Variants in URI1 observed in about 807,000 individuals in gnomAD.
URI1 encodes the protein unconventional prefoldin RPB5 interactor 1.
Under a neutral mutation model 60.2 loss-of-function variants are expected in URI1, and 39 were observed. That is an observed-to-expected ratio of 0.65 (90% CI 0.50 to 0.85). The LOEUF (loss-of-function observed/expected upper bound fraction) is 0.85, where lower values mean the gene tolerates loss of function less well. Ranked by LOEUF, URI1 falls within the 40% of genes least tolerant of loss-of-function variation. The pLI, the probability that URI1 is intolerant of heterozygous loss-of-function variation, is 0.00. For missense variants in URI1, 691 were observed against 665.9 expected, an observed-to-expected ratio of 1.04 and a Z score of -0.42; for synonymous variants, 251 against 236.8, an observed-to-expected ratio of 1.06 and a Z score of -0.55.
chr19:29,971,208 C>T lies in URI1; in HGVS notation c.133C>T (p.Gln45Ter), dbSNP rs779312870. Residue 45 changes from glutamine to a stop codon, truncating the protein, a stop_gained, in exon 2 of 11, where the codon CAA (glutamine) becomes TAA (stop). Coordinates refer to ENST00000392271, the MANE Select transcript of URI1 (RefSeq NM_003796.3). LOFTEE classifies it high-confidence loss of function. ...TTCATGACAGGTGGTCACTAACTGC[C>T]AAGAGAGAATCCAGCATTGGTGAGT... ...EEQEKVVTNC[Q>*]ERIQHWKKVD... 1.2e-6 allele frequency: 2 copies of T among 1,613,248 alleles called. No homozygotes were observed. Among genetic ancestry groups the T allele is most frequent in the Non-Finnish European group, 1.7e-6 (2 of 1,179,442 alleles).
chr19:29,963,746 A>G (rs1030300341), intron 1 of URI1, among the ~76,000 whole-genome samples: 21 of 152,168 alleles, frequency 1.4e-4, no homozygotes, highest in African/African-American at 5.1e-4. Flanking sequence ...AAGCAGATGC[A>G]GTGGGAGCTG....
In URI1 at chr19:30,015,902, T is replaced by C. The variant is rs2056079870; in HGVS notation, c.*833T>C. 8.9e-6 allele frequency: 2 copies of C among 223,842 alleles called. No homozygotes were observed. The highest frequency in any genetic ancestry group is 2.3e-5 in the African/African-American group (1 of 44,124). The allele number at this position is 223,842 out of a possible 1,614,324, so 13.9% of individuals were successfully genotyped here. A position where few individuals can be genotyped will look rare whatever the true frequency, so the allele number is the denominator to read the frequency against. On this transcript the variant is annotated 3_prime_UTR_variant, in exon 11 of 11. Coordinates refer to ENST00000392271, the MANE Select transcript of URI1 (RefSeq NM_003796.3). ...GATGCTTAAACATTTTAAATAAAAA[T>C]TCCTTACAGTTTCATCTTCCCAACA...
At position 29,986,441 on chromosome 19, in the gene URI1, T is replaced by C. The variant is rs371406464; in HGVS notation, c.367+24T>C. 2.9e-5 allele frequency: 47 copies of C among 1,600,170 alleles called. No homozygotes were observed. In the African/African-American group the frequency reaches 5.5e-4, roughly 19 times the overall value. The stretch of plus-strand genomic sequence containing the variant: ...ACGTAGGTACCCATTTTAAATGATG[T>C]TTCTTTGTTGTATATGTATCCATTC... On this transcript the variant is annotated intron_variant, in intron 4 of 10. Coordinates refer to ENST00000392271, the MANE Select transcript of URI1 (RefSeq NM_003796.3).
chr19:29,949,612 T>C (rs1192281280), intron 1 of URI1, among the ~76,000 whole-genome samples: 1 of 152,158 alleles, frequency 6.6e-6, no homozygotes, highest in Admixed American at 6.5e-5. Flanking sequence ...CACTCCAGCC[T>C]GGGCAACATT....
At chr19:29,978,129 A>C (rs911682247) in intron 2 of URI1, among the ~76,000 whole-genome samples, 1 of 152,178 alleles carries the variant, frequency 6.6e-6, no homozygotes, top group Non-Finnish European at 1.5e-5. Flanking sequence ...ATTAGAATTT[A>C]TTACTTGTAG....
Position 30,012,436 on chromosome 19 carries a change from G to A in URI1, c.1330G>A (p.Glu444Lys), listed in dbSNP as rs772726084. 66 of 1,614,148 alleles carry A rather than the reference G, an allele frequency of 4.1e-5. No individual in the cohort carries two copies. In the South Asian group the frequency reaches 5.2e-4, roughly 13 times the overall value. Residue 444 changes from glutamate (E) to lysine (K), a missense_variant, in exon 10 of 11, where the codon GAA (glutamate) becomes AAA (lysine). Coordinates refer to ENST00000392271, the MANE Select transcript of URI1 (RefSeq NM_003796.3). ...GGGAGTTTTGAGGAGTATCAGCTGCGAAGAAGCCACTTGCAGTGACACCAG... is the reference window on the plus strand; with the variant it reads ...GGGAGTTTTGAGGAGTATCAGCTGCAAAGAAGCCACTTGCAGTGACACCAG... Reference protein sequence around the residue: ...RRGVLRSISCEEATCSDTSES... With the variant: ...RRGVLRSISCKEATCSDTSES...
intron 2 of URI1, among the ~76,000 whole-genome samples, chr19:29,973,810 G>A (rs986927718): frequency 2.6e-5 from 4 of 152,046 alleles, no homozygotes; most frequent in Non-Finnish European, 5.9e-5. Flanking sequence ...CAAGCCTATT[G>A]GATGAGAATT....
At position 30,014,933 on chromosome 19, in the gene URI1, T is replaced by C. The variant is rs756817121; in HGVS notation, c.1472T>C (p.Leu491Ser). ...GAAAAAGAATTTGTATCACCTTCCT[T>C]AACACCACCCCCAGCCATTGCTCAT... ...VIEKEFVSPS[L>S]TPPPAIAHPA... Residue 491 changes from leucine (L) to serine (S), a missense_variant, in exon 11 of 11, where the codon TTA (leucine) becomes TCA (serine). Transcript: ENST00000392271. 1 of 1,613,546 alleles carries C rather than the reference T, an allele frequency of 6.2e-7. No homozygotes were observed. The highest frequency in any genetic ancestry group is 1.3e-5 in the African/African-American group (1 of 74,916).
intron 2 of URI1, among the ~76,000 whole-genome samples, chr19:29,977,359 ATTTAT>A (rs1294328707): frequency 6.6e-6 from 1 of 152,016 alleles, no homozygotes; most frequent in Non-Finnish European, 1.5e-5. Context: ...GCTATATAAA[ATTTAT>A]TTTATTATGT....
At chr19:30,012,812 TA>T (rs2056040211) in intron 10 of URI1, 2 of 266,124 alleles carry the variant, frequency 7.5e-6, no homozygotes, top group Admixed American at 5.1e-5. Context: ...GCTAGGAAAT[TA>T]TTTCGCAGTT....
At chr19:29,985,383 C>A in intron 3 of URI1, 82 bp downstream of exon 3, 5 of 1,181,362 alleles carry the variant, frequency 4.2e-6, no homozygotes, top group Non-Finnish European at 6.2e-6. Context: ...GAATGTCAGG[C>A]TGATGGACTG....
intron 10 of URI1, among the ~76,000 whole-genome samples, chr19:30,013,507 A>T (rs1420036002): frequency 2.0e-5 from 3 of 152,184 alleles, no homozygotes; most frequent in South Asian, 4.1e-4. Context: ...CAGGTAATGG[A>T]TGTTATCAGG....
In URI1 at chr19:30,009,178, A is replaced by G; in HGVS notation, c.860A>G (p.Asn287Ser). The G allele has an allele frequency of 1.9e-6, 3 of 1,613,828 alleles. No homozygotes were observed. Among genetic ancestry groups the G allele is most frequent in the South Asian group, 2.2e-5 (2 of 91,036 alleles). The part of the protein sequence containing the change: ...PFSGQVNSQL[N>S]CSVNGSSSYH... ...AGTGGTCAAGTGAATAGTCAGTTGAACTGTTCAGTGAATGGTTCCAGTTCT... is the reference window on the plus strand; with the variant it reads ...AGTGGTCAAGTGAATAGTCAGTTGAGCTGTTCAGTGAATGGTTCCAGTTCT... Residue 287 changes from asparagine to serine, a missense_variant, in exon 8 of 11, where the codon AAC becomes AGC. Coordinates refer to ENST00000392271, the MANE Select transcript of URI1 (RefSeq NM_003796.3).
intron 4 of URI1, among the ~76,000 whole-genome samples, chr19:30,004,939 T>C (rs2055921811): frequency 6.6e-6 from 1 of 152,072 alleles, no homozygotes; most frequent in Non-Finnish European, 1.5e-5. Flanking sequence ...TAGGAATATT[T>C]TCTGTTCAGG....
intron 1 of URI1, among the ~76,000 whole-genome samples, chr19:29,949,712 A>C (rs2055154478): frequency 6.6e-6 from 1 of 152,240 alleles, no homozygotes; most frequent in African/African-American, 2.4e-5. Flanking sequence ...GCTGGAGACC[A>C]GCCCGGCCAA....
intron 10 of URI1, chr19:30,012,810 A>G: frequency 3.7e-6 from 1 of 269,078 alleles, no homozygotes; most frequent in East Asian, 8.6e-5. Context: ...TAGCTAGGAA[A>G]TTATTTCGCA....
chr19:30,000,706 A>C (rs1021967355), intron 4 of URI1, among the ~76,000 whole-genome samples: 3 of 151,840 alleles, frequency 2.0e-5, no homozygotes, highest in Admixed American at 2.0e-4. Context: ...TTTGGTCCTT[A>C]TTCCCCATGA....
intron 1 of URI1, among the ~76,000 whole-genome samples, chr19:29,930,853 AT>A (rs1245434779): frequency 8.1e-6 from 1 of 122,728 alleles, no homozygotes; most frequent in Non-Finnish European, 1.6e-5. Context: ...AACTGCCACC[AT>A]GCCTGTCTTT....
chr19:29,943,839 T>C (rs1196470072), intron 1 of URI1, among the ~76,000 whole-genome samples: 1 of 151,780 alleles, frequency 6.6e-6, no homozygotes, highest in Non-Finnish European at 1.5e-5. Flanking sequence ...AAGATGAAGG[T>C]TTAAAAATCC....
Sources: allele counts gnomAD v4.1 joint callset (sites outside exome capture counted in the v4.1 genomes callset), GRCh38; gene constraint gnomAD v4.1.1; transcripts MANE v1.5; gene names NCBI Gene and HGNC (gene_info 2026-07-23, HGNC 2026-07-21).